SGK3: variants seen among roughly 807,000 people sequenced by gnomAD.
SGK3 encodes serum/glucocorticoid regulated kinase family member 3.
A neutral mutation model predicts 68.5 loss-of-function variants in SGK3; 47 were observed. That is an observed-to-expected ratio of 0.69 (90% confidence interval 0.54 to 0.87). The LOEUF (loss-of-function observed/expected upper bound fraction) is 0.87, where lower values mean the gene tolerates loss of function less well. SGK3 is among the 40% of genes least tolerant of loss of function. The pLI is 0.00. For missense variants in SGK3, 479 were observed against 575.5 expected (o/e 0.83, Z 1.72); for synonymous variants, 181 against 189.1 (o/e 0.96, Z 0.35).
At chr8:66,836,396 A>G (rs1195670414) in intron 10 of SGK3, among the ~76,000 whole-genome samples, 1 of 152,224 alleles carries the variant, frequency 6.6e-6, no homozygotes, top group African/African-American at 2.4e-5. Context: ...AATTATCTCA[A>G]CAGTTGCATA....
chr8:66,798,656 A>G, intron 3 of SGK3, 31 bp downstream of exon 3: 1 of 1,556,918 alleles, frequency 6.4e-7, no homozygotes, highest in South Asian at 1.2e-5. Flanking sequence ...TTTCTAATTA[A>G]AAGAAAGCAC....
chr8:66,767,988 A>G (rs747602954), intron 1 of SGK3: 6 of 808,406 alleles, frequency 7.4e-6, no homozygotes, highest in South Asian at 1.3e-5. Flanking sequence ...CCTTATCAAC[A>G]TAGATCAGAG....
intron 6 of SGK3, among the ~76,000 whole-genome samples, chr8:66,827,549 T>C (rs1809115743): frequency 6.6e-6 from 1 of 152,086 alleles, no homozygotes; most frequent in Non-Finnish European, 1.5e-5. Context: ...TCTGAATGTA[T>C]AAAGAGGTTT....
chr8:66,774,639 C>T (rs1806622949), intron 1 of SGK3, among the ~76,000 whole-genome samples: 1 of 152,140 alleles, frequency 6.6e-6, no homozygotes, highest in African/African-American at 2.4e-5. Context: ...CGTGATGCGC[C>T]TGAGCTGTTT....
intron 1 of SGK3, among the ~76,000 whole-genome samples, chr8:66,785,124 C>T (rs554213257): frequency 5.7e-4 from 87 of 152,326 alleles, no homozygotes; most frequent in African/African-American, 1.9e-3. Context: ...TTTTCCTGTG[C>T]GTGACTTTCT....
At chr8:66,789,079 T>A (rs922716470) in intron 1 of SGK3, among the ~76,000 whole-genome samples, 1 of 151,614 alleles carries the variant, frequency 6.6e-6, no homozygotes, top group Non-Finnish European at 1.5e-5. Flanking sequence ...ATTTGCCAGG[T>A]CAGTAGTCAT....
chr8:66,800,895 G>A (rs774906233), intron 3 of SGK3, among the ~76,000 whole-genome samples: 1 of 152,268 alleles, frequency 6.6e-6, no homozygotes, highest in South Asian at 2.1e-4. Context: ...TGTGGTAGGA[G>A]GATCACTTGA....
intron 1 of SGK3, chr8:66,767,435 C>T: frequency 2.2e-6 from 3 of 1,377,988 alleles, no homozygotes; most frequent in Non-Finnish European, 3.1e-6. Flanking sequence ...GGCAATTCAA[C>T]ATCCAGGGTC....
At chr8:66,765,801 A>T (rs1479117390) in intron 1 of SGK3, among the ~76,000 whole-genome samples, 1 of 152,084 alleles carries the variant, frequency 6.6e-6, no homozygotes, top group Non-Finnish European at 1.5e-5. Flanking sequence ...AGGTGGGTGG[A>T]TCACCTGAGG....
chr8:66,857,192 GTACA>G (rs951082547), intron 16 of SGK3, among the ~76,000 whole-genome samples: 14 of 152,072 alleles, frequency 9.2e-5, no homozygotes, highest in Non-Finnish European at 1.9e-4. Context: ...CCATACATAC[GTACA>G]TACATACATA....
intron 1 of SGK3, among the ~76,000 whole-genome samples, chr8:66,721,389 A>G (rs1386829784): frequency 6.6e-6 from 1 of 152,186 alleles, no homozygotes; most frequent in African/African-American, 2.4e-5. Flanking sequence ...TCTTGCATTA[A>G]GAAAAGTTCT....
intron 1 of SGK3, chr8:66,778,000 G>A (rs1189372224): frequency 6.6e-6 from 1 of 152,248 alleles, no homozygotes; most frequent in African/African-American, 2.4e-5. Flanking sequence ...TGTTTCTAGT[G>A]AGGACTTCTG....
At chr8:66,731,750 G>A (rs1482649028) in intron 1 of SGK3, among the ~76,000 whole-genome samples, 1 of 152,138 alleles carries the variant, frequency 6.6e-6, no homozygotes, top group Non-Finnish European at 1.5e-5. Flanking sequence ...TAGCCAGGAT[G>A]GTCTCGATCT....
At chr8:66,805,203 T>G (rs1239547179) in intron 4 of SGK3, among the ~76,000 whole-genome samples, 1 of 152,006 alleles carries the variant, frequency 6.6e-6, no homozygotes, top group East Asian at 1.9e-4. Flanking sequence ...TAGTAACTTG[T>G]AGGCCTCTGA....
At chr8:66,848,568 T>A (rs1429281052) in intron 15 of SGK3, among the ~76,000 whole-genome samples, 1 of 152,182 alleles carries the variant, frequency 6.6e-6, no homozygotes, top group Admixed American at 6.5e-5. Flanking sequence ...ACTTGCAGGA[T>A]CCTGTCATTT....
chr8:66,766,952 A>G (rs367698913), intron 1 of SGK3, among the ~76,000 whole-genome samples: 7 of 152,194 alleles, frequency 4.6e-5, no homozygotes, highest in East Asian at 1.9e-4. Context: ...CCCGGGTTCA[A>G]GCAATTCTGC....
At chr8:66,767,768 G>T (rs771461434) in intron 1 of SGK3, 6 of 1,577,592 alleles carry the variant, frequency 3.8e-6, no homozygotes, top group Non-Finnish European at 5.2e-6. Context: ...TGTTTGAGGG[G>T]TCCATTGGTC....
chr8:66,762,317 G>A (rs889176690), intron 1 of SGK3, among the ~76,000 whole-genome samples: 1 of 152,052 alleles, frequency 6.6e-6, no homozygotes, highest in South Asian at 2.1e-4. Context: ...TCAGGAGATC[G>A]AGACCATACA....
chr8:66,723,089 TCATATA>T lies in SGK3; in HGVS notation c.-122+10257_-122+10262del, dbSNP rs1418455446. Among the ~76,000 whole-genome samples the T allele has an allele frequency of 9.9e-4, 57 of 57,498 alleles. 1 individual carries two copies. Among genetic ancestry groups the T allele is most frequent in the South Asian group, 3.3e-3 (5 of 1,526 alleles). The allele number at this position is 57,498 out of a possible 152,430, so 37.7% of individuals were successfully genotyped here. A position where few individuals can be genotyped will look rare whatever the true frequency, so the allele number is the denominator to read the frequency against. On this transcript the variant is annotated intron_variant, in intron 1 of 16. Transcript: ENST00000521198. ...TAAACATTCAGAAGTAAGATTTTGT[TCATATA>T]TATATATATATATATATATATATAT...
Sources: gnomAD v4.1 joint callset for allele counts (sites outside exome capture counted in the v4.1 genomes callset) on GRCh38, gnomAD v4.1.1 for gene constraint, MANE v1.5 for transcripts, NCBI Gene and HGNC (gene_info 2026-07-23, HGNC 2026-07-21) for gene names.